The following DENND4C variants were observed in gnomAD, a reference collection of about 807,000 sequenced individuals.
The protein encoded by DENND4C is DENN domain-containing protein 4C.
DENND4C carries 108 observed loss-of-function variants against 203.0 expected under a neutral mutation model. The ratio of observed to expected loss-of-function variants is 0.53; its 90% CI spans 0.46 to 0.62. DENND4C has a LOEUF of 0.62. DENND4C is among the 20% of genes least tolerant of loss of function. The pLI, the probability that DENND4C is intolerant of heterozygous loss-of-function variation, is 0.00. For synonymous variants in DENND4C, 871 were observed against 792.4 expected (o/e 1.10, Z -1.67); for missense variants, 2,481 against 2,301.2 (o/e 1.08, Z -1.60).
chr9:19,235,312 G>A (rs976751520), intron 1 of DENND4C, among the ~76,000 whole-genome samples: 1 of 152,114 alleles, frequency 6.6e-6, no homozygotes, highest in African/African-American at 2.4e-5. Context: ...GATCATTAGG[G>A]CTGCTACAAT....
In DENND4C at chr9:19,238,031, CTG is replaced by C. The variant is rs74973261; in HGVS notation, c.-18+7200_-18+7201del. 3.1e-4 allele frequency among the ~76,000 whole-genome samples: 47 copies of C among 151,564 alleles called. No individual in the cohort carries two copies. In the East Asian group the frequency reaches 6.8e-3, roughly 22 times the overall value. On this transcript the variant is annotated intron_variant, in intron 1 of 32. Coordinates refer to ENST00000434457, the MANE Select transcript of DENND4C (RefSeq NM_001330640.2). ...GGGTGTCAGGAGAGCTGTGCTCCCA[CTG>C]TAGGCTCTAGGGAAGACCCCTCCTT...
intron 1 of DENND4C, among the ~76,000 whole-genome samples, chr9:19,246,405 C>T (rs1460421890): frequency 6.6e-6 from 1 of 152,116 alleles, no homozygotes. Context: ...TAATCTCTTT[C>T]CTTCTAGACT....
At chr9:19,290,926 C>A in intron 5 of DENND4C, 50 bp downstream of exon 5, 3 of 1,533,760 alleles carry the variant, frequency 2.0e-6, no homozygotes, top group Non-Finnish European at 2.7e-6. Context: ...GTTTTTATTT[C>A]ATAAAAAGGT....
intron 1 of DENND4C, among the ~76,000 whole-genome samples, chr9:19,271,505 A>T (rs75404391): frequency 0.021 from 3,258 of 152,222 alleles, 119 homozygotes; most frequent in African/African-American, 0.075. Context: ...TCTGGCCAGT[A>T]AGTGGATTCT....
intron 1 of DENND4C, among the ~76,000 whole-genome samples, chr9:19,239,154 C>CT (rs1453503644): frequency 6.6e-6 from 1 of 151,938 alleles, no homozygotes; most frequent in South Asian, 2.1e-4. Flanking sequence ...ATTTAGTCTG[C>CT]TTTTTTTCCC....
chr9:19,245,053 A>C (rs1005621303), intron 1 of DENND4C, among the ~76,000 whole-genome samples: 3 of 152,232 alleles, frequency 2.0e-5, no homozygotes, highest in Non-Finnish European at 4.4e-5. Flanking sequence ...TGCATGCATA[A>C]TCACACCCTA....
chr9:19,309,848 T>C (rs1279461377), intron 10 of DENND4C, among the ~76,000 whole-genome samples: 1 of 152,138 alleles, frequency 6.6e-6, no homozygotes, highest in African/African-American at 2.4e-5. Context: ...TTAATATATA[T>C]TGTATTTATA....
At chr9:19,269,309 C>T (rs990170818) in intron 1 of DENND4C, among the ~76,000 whole-genome samples, 5 of 151,986 alleles carry the variant, frequency 3.3e-5, no homozygotes, top group Non-Finnish European at 7.4e-5. Context: ...TACAGGTGCC[C>T]GCTACCATGC....
At chr9:19,329,113 A>G (rs923906379) in intron 16 of DENND4C, among the ~76,000 whole-genome samples, 8 of 152,230 alleles carry the variant, frequency 5.3e-5, no homozygotes, top group African/African-American at 1.9e-4. Context: ...TGTATGATTT[A>G]GTGGCTTTTA....
intron 1 of DENND4C, among the ~76,000 whole-genome samples, chr9:19,252,843 C>A (rs1826987453): frequency 6.6e-6 from 1 of 152,060 alleles, no homozygotes; most frequent in African/African-American, 2.4e-5. Context: ...TCAAGTAATT[C>A]TCATGCCTCA....
At position 19,324,508 on chromosome 9, in the gene DENND4C, G is replaced by C. The variant is rs760683218; in HGVS notation, c.1953+1G>C. The C allele has an allele frequency of 6.2e-7, 1 of 1,600,776 alleles. No homozygotes were observed. The highest frequency in any genetic ancestry group is 8.5e-7 in the Non-Finnish European group (1 of 1,177,152). Reference sequence around the variant, plus strand: ...ATTTTTTGATGACTGCATAGAAAAGGTAAAAGTTTGTACTTATACTAGTGT... The same window carrying C: ...ATTTTTTGATGACTGCATAGAAAAGCTAAAAGTTTGTACTTATACTAGTGT... On this transcript the variant is annotated splice_donor_variant, in intron 13 of 32. Transcript: ENST00000434457. LOFTEE classifies it high-confidence loss of function.
At chr9:19,300,862 C>A (rs1291362580) in intron 9 of DENND4C, among the ~76,000 whole-genome samples, 1 of 152,156 alleles carries the variant, frequency 6.6e-6, no homozygotes, top group East Asian at 1.9e-4. Context: ...GCTTAAAACC[C>A]TTTGGCTTCC....
intron 9 of DENND4C, among the ~76,000 whole-genome samples, chr9:19,304,273 C>T (rs1342833579): frequency 6.6e-6 from 1 of 151,046 alleles, no homozygotes; most frequent in Non-Finnish European, 1.5e-5. Flanking sequence ...CAACCTCTGC[C>T]TCCCGGGTTC....
Position 19,286,836 on chromosome 9 carries a change from C to T in DENND4C, c.373C>T (p.Arg125Cys), listed in dbSNP as rs1171127967. 6 of 1,231,964 alleles carry T rather than the reference C, an allele frequency of 4.9e-6. No individual in the cohort carries two copies. Among genetic ancestry groups the T allele is most frequent in the African/African-American group, 1.6e-5 (1 of 64,408 alleles). The allele number at this position is 1,231,964 out of a possible 1,614,324, so 76.3% of individuals were successfully genotyped here. Residue 125 changes from arginine to cysteine, a missense_variant, in exon 3 of 33, where the codon CGC (arginine) becomes TGC (cysteine). Arg to Cys is a radical substitution (Grantham distance 180). This residue lies in a region of DENND4C where 187 missense variants were observed against 167.4 expected (regional missense o/e 1.12). Transcript: ENST00000434457. ...CEVILATPYG[R>C]CANVNNSSTT... ...AGTGATCCTAGCCACACCCTATGGTCGCTGTGCCAATGTCAACAATAGTTC... is the reference window on the plus strand; with the variant it reads ...AGTGATCCTAGCCACACCCTATGGTTGCTGTGCCAATGTCAACAATAGTTC...
chr9:19,332,120 C>T lies in DENND4C; in HGVS notation c.2396C>T (p.Ala799Val). 6.2e-7 allele frequency: 1 copy of T among 1,614,014 alleles called. No homozygotes were observed. Among genetic ancestry groups the T allele is most frequent in the Non-Finnish European group, 8.5e-7 (1 of 1,179,972 alleles). The change falls in exon 17 of 33, where the codon GCA becomes GTA. Residue 799 changes from alanine (A) to valine (V), a missense_variant. Ala to Val is a moderately conservative substitution (Grantham distance 64, BLOSUM62 0). Coordinates refer to ENST00000434457, the MANE Select transcript of DENND4C (RefSeq NM_001330640.2). ...AGAGTTTCTCATCCTAAAGTCAGAG[C>T]ACTTCAGCAGGCATATGATGTACTT... ...YVRVSHPKVR[A>V]LQQAYDVLIK...
In DENND4C at chr9:19,328,009, CTA is replaced by C; in HGVS notation, c.2121-19_2121-18del. On this transcript the variant is annotated intron_variant, in intron 15 of 32. Transcript: ENST00000434457. The stretch of plus-strand genomic sequence containing the variant: ...GTTGGTGTGTTTTAAATCAGCAGTT[CTA>C]TTTTTTTTTTTATTTTAGTTACAAA... The C allele has an allele frequency of 6.4e-7, 1 of 1,566,646 alleles. No homozygotes were observed. Among genetic ancestry groups the C allele is most frequent in the Non-Finnish European group, 8.6e-7 (1 of 1,158,440 alleles).
intron 23 of DENND4C, among the ~76,000 whole-genome samples, chr9:19,349,285 G>A (rs1462947912): frequency 6.6e-6 from 1 of 152,046 alleles, no homozygotes; most frequent in African/African-American, 2.4e-5. Context: ...TCATGTACCT[G>A]TAGTCTCAGC....
At position 19,357,186 on chromosome 9, in the gene DENND4C, G is replaced by A. The variant is rs376087385; in HGVS notation, c.4964+32G>A. The stretch of plus-strand genomic sequence containing the variant: ...AAGGGTACAGAGACCTCTTTATGTA[G>A]TAATAAATGGGGTACCCTTGTAAAA... On this transcript the variant is annotated intron_variant, in intron 27 of 32. Coordinates refer to ENST00000434457, the MANE Select transcript of DENND4C (RefSeq NM_001330640.2). The A allele has an allele frequency of 5.8e-5, 94 of 1,607,710 alleles. 1 individual carries two copies. The Admixed American group carries it at 8.4e-4, about 14-fold the overall frequency.
intron 12 of DENND4C, among the ~76,000 whole-genome samples, chr9:19,317,816 A>G (rs928589464): frequency 2.6e-5 from 4 of 152,092 alleles, no homozygotes; most frequent in East Asian, 1.9e-4. Context: ...AAGAGTTCAG[A>G]AAAAAAAGGG....
Sources: gnomAD v4.1 joint callset for allele counts (sites outside exome capture counted in the v4.1 genomes callset) on GRCh38, gnomAD v4.1.1 for gene constraint, gnomAD v4.1.1 regional missense constraint, MANE v1.5 for transcripts, NCBI Gene and HGNC (gene_info 2026-07-23, HGNC 2026-07-21) for gene names.